Variants in TTF1 observed in about 807,000 individuals in gnomAD.
TTF1 encodes the protein transcription termination factor 1, also known as transcription termination factor, RNA polymerase I.
A neutral mutation model predicts 80.2 loss-of-function variants in TTF1; 64 were observed. The observed-to-expected ratio is 0.80, with a 90% CI of 0.65 to 0.98. The LOEUF (loss-of-function observed/expected upper bound fraction) is 0.98. Among genes scored for constraint, TTF1 ranks in the 50% least tolerant of loss-of-function variants. The pLI is 0.00. For synonymous variants in TTF1, 372 were observed against 382.7 expected, an observed-to-expected ratio of 0.97 and a Z score of 0.33; for missense variants, 1,023 against 1,086.2, an observed-to-expected ratio of 0.94 and a Z score of 0.82.
rs1202076868 is a variant in TTF1, at chr9:132,400,878, C to T, written c.1367+577G>A. Among the ~76,000 whole-genome samples, 3 of 152,144 alleles carry T rather than the reference C, an allele frequency of 2.0e-5. No homozygotes were observed. In the East Asian group the frequency reaches 5.8e-4, roughly 29 times the overall value. On this transcript the variant is annotated intron_variant, in intron 2 of 10. Transcript: ENST00000334270. Reference sequence around the variant, plus strand: ...GGTAATTTGGGCTTTTAAATTTACTCATAGATTTTCTAGGGCTGGAATAGT... The same window carrying T: ...GGTAATTTGGGCTTTTAAATTTACTTATAGATTTTCTAGGGCTGGAATAGT...
chr9:132,402,078 A>G lies in TTF1; in HGVS notation c.744T>C (p.Thr248=). The change falls in exon 2 of 11, where the codon ACT becomes ACC. Residue 248 remains threonine, a synonymous_variant. Transcript: ENST00000334270. ...CAGTAGGCTGGGATTCCTGCATATC[A>G]GTCCCGGCCTCTCTGCCTGCTTGCG... ...EGSQAGREAG[T]DMQESQPTVG... The G allele has an allele frequency of 6.2e-7, 1 of 1,614,044 alleles. No individual in the cohort carries two copies. Among genetic ancestry groups the G allele is most frequent in the South Asian group, 1.1e-5 (1 of 91,080 alleles).
Position 132,398,530 on chromosome 9 carries a change from G to A in TTF1, c.1592-204C>T, listed in dbSNP as rs904817667. ...ACACCTCTTCTGTCAATGTCTTCCC[G>A]GGTCATCCTATTCCAAAGTGACCTT... On this transcript the variant is annotated intron_variant, in intron 3 of 10. Coordinates refer to ENST00000334270, the MANE Select transcript of TTF1 (RefSeq NM_007344.4). Among the ~76,000 whole-genome samples, 5 of 152,102 alleles carry A rather than the reference G, an allele frequency of 3.3e-5. No homozygotes were observed. In the East Asian group the frequency reaches 5.8e-4, roughly 18 times the overall value.
chr9:132,400,985 G>A (rs1240134684), intron 2 of TTF1, among the ~76,000 whole-genome samples: 1 of 152,138 alleles, frequency 6.6e-6, no homozygotes, highest in Non-Finnish European at 1.5e-5. Context: ...AAAGATGTAC[G>A]ATATTCTGTA....
chr9:132,380,395 C>T (rs1174802636), intron 9 of TTF1, among the ~76,000 whole-genome samples: 1 of 152,114 alleles, frequency 6.6e-6, no homozygotes, highest in Non-Finnish European at 1.5e-5. Context: ...CTCCTTTAGC[C>T]TTCCTGACAG....
At chr9:132,390,940 CAAT>C in intron 6 of TTF1, 109 bp from the exon 7 acceptor site, 1 of 940,320 alleles carries the variant, frequency 1.1e-6, no homozygotes, top group South Asian at 1.6e-5. Flanking sequence ...ATGTGCATCT[CAAT>C]TATATAGACA....
At chr9:132,377,962 GGTGT>G (rs1239653621) in intron 10 of TTF1, among the ~76,000 whole-genome samples, 25 of 128,446 alleles carry the variant, frequency 1.9e-4, no homozygotes, top group Admixed American at 6.5e-4. Context: ...GAGTGCATGT[GGTGT>G]GTGTGAGTGC....
In TTF1 at chr9:132,402,286, T is replaced by TC. The variant is rs1849781186; in HGVS notation, c.535dup (p.Glu179GlyfsTer28). 6.2e-7 allele frequency: 1 copy of TC among 1,613,936 alleles called. No individual in the cohort carries two copies. Among genetic ancestry groups the TC allele is most frequent in the South Asian group, 1.1e-5 (1 of 91,090 alleles). ...CAGGGTGTCCCTTGCCCGCTGGCTCTCCCAGGATGCAGCTTTCCTCTGATG... is the reference window on the plus strand; with the variant it reads ...CAGGGTGTCCCTTGCCCGCTGGCTCTCCCCAGGATGCAGCTTTCCTCTGATG... On this transcript the variant is annotated frameshift_variant, in exon 2 of 11. Coordinates refer to ENST00000334270, the MANE Select transcript of TTF1 (RefSeq NM_007344.4). LOFTEE classifies it high-confidence loss of function.
At chr9:132,388,427 T>C (rs1364929783) in intron 7 of TTF1, among the ~76,000 whole-genome samples, 199 bp from the exon 8 acceptor site, 1 of 151,896 alleles carries the variant, frequency 6.6e-6, no homozygotes, top group African/African-American at 2.4e-5. Flanking sequence ...ACCTCCACCT[T>C]CCGGGTTCAA....
At position 132,401,548 on chromosome 9, in the gene TTF1, T is replaced by TCACCTTCTA. The variant is rs1849762850; in HGVS notation, c.1265_1273dup (p.Val422_Gly424dup). ...CACACCTTCTTCCATCATGGCGCCA[T>TCACCTTCTA]CACCTTCTACTGAATCAAAGAGTGT... On this transcript the variant is annotated inframe_insertion, in exon 2 of 11. Coordinates refer to ENST00000334270, the MANE Select transcript of TTF1 (RefSeq NM_007344.4). 6.2e-7 allele frequency: 1 copy of TCACCTTCTA among 1,614,050 alleles called. No individual in the cohort carries two copies. The highest frequency in any genetic ancestry group is 1.3e-5 in the African/African-American group (1 of 74,916).
intron 1 of TTF1, among the ~76,000 whole-genome samples, chr9:132,405,324 C>T (rs1326390381): frequency 6.6e-6 from 1 of 152,234 alleles, no homozygotes; most frequent in African/African-American, 2.4e-5. Context: ...CCTGCCTCAG[C>T]CTCCGGAGTA....
rs544504852 is a variant in TTF1, at chr9:132,405,503, C to T, written c.-8+1287G>A. On this transcript the variant is annotated intron_variant, in intron 1 of 10. Transcript: ENST00000334270. ...GATTACAGGCGTAAGCCACAGCGCC[C>T]GGCCTTGATTTCTTTAAATAACATT... Among the ~76,000 whole-genome samples, 21 of 152,380 alleles carry T rather than the reference C, an allele frequency of 1.4e-4. No homozygotes were observed. The South Asian group carries it at 1.9e-3, about 14-fold the overall frequency.
intron 10 of TTF1, among the ~76,000 whole-genome samples, chr9:132,378,259 TGTGA>T (rs1849281566): frequency 7.6e-6 from 1 of 131,470 alleles, no homozygotes; most frequent in African/African-American, 2.9e-5. Context: ...ATGTGGTGTG[TGTGA>T]GTGCATGTGG....
Position 132,396,456 on chromosome 9 carries a change from G to A in TTF1, c.1833C>T (p.Phe611=), listed in dbSNP as rs371348195. The A allele has an allele frequency of 1.5e-5, 25 of 1,613,998 alleles. No homozygotes were observed. The highest frequency in any genetic ancestry group is 2.2e-5 in the East Asian group (1 of 44,900). Residue 611 remains phenylalanine, a synonymous_variant, in exon 5 of 11, where the codon TTC becomes TTT. Transcript: ENST00000334270. Reference sequence around the variant, plus strand: ...ACCTGCCTTTGTAATTGTTGACATCGAACATCTTCTTTGCTCGATAGTATA... The same window carrying A: ...ACCTGCCTTTGTAATTGTTGACATCAAACATCTTCTTTGCTCGATAGTATA... ...KLIYYRAKKM[F]DVNNYKGRYS... is the part of the protein sequence containing the mutation.
intron 1 of TTF1, among the ~76,000 whole-genome samples, chr9:132,404,431 CA>C (rs1212995965): frequency 1.3e-5 from 2 of 152,114 alleles, no homozygotes; most frequent in Non-Finnish European, 2.9e-5. Flanking sequence ...TCCCTTCTGT[CA>C]AAGGCTATTT....
At chr9:132,379,221 T>A (rs1849323792) in intron 9 of TTF1, 77 bp from the exon 10 acceptor site, 7 of 1,041,580 alleles carry the variant, frequency 6.7e-6, no homozygotes, top group Non-Finnish European at 9.7e-6. Context: ...AGTAAGTACA[T>A]TTATTCAGGT....
In TTF1 at chr9:132,400,151, C is replaced by T. The variant is rs764553093; in HGVS notation, c.1475G>A (p.Gly492Asp). The T allele has an allele frequency of 9.9e-6, 16 of 1,614,036 alleles. No homozygotes were observed. In the South Asian group the frequency reaches 1.6e-4, roughly 17 times the overall value. ...CTCCTGAAGCTGTTTCACGGCAGAA[C>T]CCAAATCCGCATCTGAATCATCGGC... ...GDADDSDADL[G>D]SAVKQLQEFI... Residue 492 changes from glycine to aspartate, a missense_variant, in exon 3 of 11, where the codon GGT (glycine) becomes GAT (aspartate). Physicochemically the swap from Gly to Asp is moderately conservative, Grantham distance 94. Coordinates refer to ENST00000334270, the MANE Select transcript of TTF1 (RefSeq NM_007344.4).
At chr9:132,383,284 G>A (rs2131625817) in intron 9 of TTF1, among the ~76,000 whole-genome samples, 2 of 150,698 alleles carry the variant, frequency 1.3e-5, no homozygotes, top group Admixed American at 6.6e-5. Context: ...TAAGGAAATG[G>A]AACAATTATT....
intron 5 of TTF1, among the ~76,000 whole-genome samples, chr9:132,393,389 C>T (rs1309143486): frequency 6.6e-6 from 1 of 152,190 alleles, no homozygotes; most frequent in African/African-American, 2.4e-5. Context: ...GAACACCGGG[C>T]CCACCCAGGG....
At chr9:132,393,471 C>T (rs1849596585) in intron 5 of TTF1, among the ~76,000 whole-genome samples, 1 of 152,282 alleles carries the variant, frequency 6.6e-6, no homozygotes, top group Non-Finnish European at 1.5e-5. Context: ...AGGACATGCT[C>T]CTGCTGCAGT....
Sources: allele counts gnomAD v4.1 joint callset (sites outside exome capture counted in the v4.1 genomes callset), GRCh38; gene constraint gnomAD v4.1.1; transcripts MANE v1.5; gene names NCBI Gene and HGNC (gene_info 2026-07-23, HGNC 2026-07-21).